The following SHROOM3 variants were observed in gnomAD, a reference collection of about 807,000 sequenced individuals.
SHROOM3 encodes shroom family member 3.
SHROOM3 carries 47 observed loss-of-function variants against 138.6 expected under a neutral mutation model. That is an observed-to-expected ratio of 0.34 (90% CI 0.27 to 0.43). The LOEUF (loss-of-function observed/expected upper bound fraction) is 0.43, where lower values mean the gene tolerates loss of function less well. Ranked by LOEUF, SHROOM3 falls within the 20% of genes least tolerant of loss-of-function variation. SHROOM3 has a pLI of 1.00. For synonymous variants in SHROOM3, 1,062 were observed against 1,063.3 expected, an observed-to-expected ratio of 1.00 and a Z score of 0.02; for missense variants, 2,491 against 2,596.5, an observed-to-expected ratio of 0.96 and a Z score of 0.88.
chr4:76,698,883 A>T (rs73826424), intron 2 of SHROOM3, among the ~76,000 whole-genome samples: 7,457 of 152,204 alleles, frequency 0.049, 628 homozygotes, highest in African/African-American at 0.17. Context: ...TTCTGTTCTT[A>T]TCTGCAAAAA....
At chr4:76,760,925 C>A (rs573915077) in intron 9 of SHROOM3, among the ~76,000 whole-genome samples, 27 of 152,184 alleles carry the variant, frequency 1.8e-4, no homozygotes, top group Non-Finnish European at 3.1e-4. Flanking sequence ...GAACGTTTTA[C>A]ACAATTTTTT....
chr4:76,488,350 T>C (rs1356285754), intron 1 of SHROOM3, among the ~76,000 whole-genome samples: 1 of 152,216 alleles, frequency 6.6e-6, no homozygotes, highest in Non-Finnish European at 1.5e-5. Context: ...TGATTTTTAA[T>C]GGGCCAAAGC....
chr4:76,703,074 G>A (rs1222702384), intron 2 of SHROOM3, among the ~76,000 whole-genome samples: 1 of 152,196 alleles, frequency 6.6e-6, no homozygotes, highest in Non-Finnish European at 1.5e-5. Flanking sequence ...AAAAGCAGCA[G>A]CCAGAGCAGG....
chr4:76,723,593 C>T (rs1045400277), intron 3 of SHROOM3, among the ~76,000 whole-genome samples: 2 of 152,164 alleles, frequency 1.3e-5, no homozygotes, highest in Admixed American at 6.5e-5. Context: ...CTTGCTTACT[C>T]CCTGTCTCCC....
intron 2 of SHROOM3, among the ~76,000 whole-genome samples, chr4:76,561,614 C>T (rs1281201477): frequency 1.3e-5 from 2 of 151,316 alleles, no homozygotes; most frequent in Non-Finnish European, 2.9e-5. Flanking sequence ...ACTTTTGGCC[C>T]CTCAAGCAGT....
chr4:76,673,981 T>C (rs965137040), intron 2 of SHROOM3, among the ~76,000 whole-genome samples: 2 of 152,316 alleles, frequency 1.3e-5, no homozygotes, highest in Middle Eastern at 3.4e-3. Context: ...CAAGTGATCC[T>C]CCTGCCTCAG....
intron 2 of SHROOM3, among the ~76,000 whole-genome samples, chr4:76,695,484 G>A (rs1320491502): frequency 6.6e-6 from 1 of 152,144 alleles, no homozygotes; most frequent in Non-Finnish European, 1.5e-5. Flanking sequence ...ATTGATCCTG[G>A]ATATTTCATA....
intron 2 of SHROOM3, among the ~76,000 whole-genome samples, chr4:76,625,432 C>T (rs191247291): frequency 6.6e-5 from 10 of 151,988 alleles, no homozygotes; most frequent in African/African-American, 2.2e-4. Context: ...TTCTGTCTCC[C>T]TCCCTCTCCC....
At chr4:76,465,051 C>A (rs1023124205) in intron 1 of SHROOM3, among the ~76,000 whole-genome samples, 1 of 152,182 alleles carries the variant, frequency 6.6e-6, no homozygotes, top group African/African-American at 2.4e-5. Flanking sequence ...TCATTCACAA[C>A]CATTATATAG....
intron 1 of SHROOM3, among the ~76,000 whole-genome samples, chr4:76,521,691 A>G (rs1226034650): frequency 6.6e-6 from 1 of 152,246 alleles, no homozygotes; most frequent in Non-Finnish European, 1.5e-5. Context: ...GTGATTAATC[A>G]GAAGTTGTAC....
chr4:76,739,695 T>G lies in SHROOM3; in HGVS notation c.1522T>G (p.Cys508Gly), dbSNP rs1721185634. 1.9e-6 allele frequency: 3 copies of G among 1,613,980 alleles called. No individual in the cohort carries two copies. Among genetic ancestry groups the G allele is most frequent in the Admixed American group, 3.3e-5 (2 of 59,992 alleles). Residue 508 changes from cysteine (C) to glycine (G), a missense_variant, in exon 5 of 11, where the codon TGC becomes GGC. Transcript: ENST00000296043. ...ESGYIAPQGACNKMATIDENG... is the reference protein window; with the variant it reads ...ESGYIAPQGAGNKMATIDENG... The stretch of plus-strand genomic sequence containing the variant: ...TGGATACATAGCCCCTCAGGGAGCA[T>G]GCAACAAGATGGCTACCATTGATGA...
chr4:76,774,067 G>T (rs1722463133), intron 10 of SHROOM3, among the ~76,000 whole-genome samples: 1 of 152,122 alleles, frequency 6.6e-6, no homozygotes, highest in Admixed American at 6.5e-5. Flanking sequence ...ATTGTCCTGG[G>T]GGTAGAGAAG....
intron 2 of SHROOM3, among the ~76,000 whole-genome samples, chr4:76,635,858 C>A (rs2110076806): frequency 6.6e-6 from 1 of 152,318 alleles, no homozygotes; most frequent in Non-Finnish European, 1.5e-5. Context: ...AAACTGCTGG[C>A]ATTTGGTTTG....
intron 2 of SHROOM3, among the ~76,000 whole-genome samples, chr4:76,650,242 TCTCACC>T (rs1422241289): frequency 2.0e-5 from 3 of 152,140 alleles, no homozygotes; most frequent in Non-Finnish European, 4.4e-5. Context: ...CAATGAGATA[TCTCACC>T]CAAGTTAAAA....
intron 2 of SHROOM3, chr4:76,586,250 C>A: frequency 1.0e-6 from 1 of 985,606 alleles, no homozygotes; most frequent in Non-Finnish European, 1.2e-6. Flanking sequence ...AGGTTCCCAG[C>A]GGAGGTGCGT....
At chr4:76,571,095 T>G (rs1422097439) in intron 2 of SHROOM3, among the ~76,000 whole-genome samples, 1 of 152,212 alleles carries the variant, frequency 6.6e-6, no homozygotes, top group East Asian at 1.9e-4. Context: ...GCTCTCAAAA[T>G]GTTAGCTTTG....
Position 76,756,801 on chromosome 4 carries a change from C to A in SHROOM3, c.5062C>A (p.Pro1688Thr). The A allele has an allele frequency of 6.2e-7, 1 of 1,614,046 alleles. No homozygotes were observed. The highest frequency in any genetic ancestry group is 1.1e-5 in the South Asian group (1 of 91,060). Residue 1688 changes from proline (P) to threonine (T), a missense_variant, in exon 8 of 11, where the codon CCA (proline) becomes ACA (threonine). By Grantham distance (38) the Pro-to-Thr change is conservative. This residue lies in a region of SHROOM3 where 470 missense variants were observed against 595.0 expected (regional missense o/e 0.79). Coordinates refer to ENST00000296043, the MANE Select transcript of SHROOM3 (RefSeq NM_020859.4). ...CAAATCTCTAGCAGACATTTTGGAT[C>A]CAGACTCCAGGCTGAAGACAACAAT... ...QDKSLADILD[P>T]DSRLKTTMDL...
chr4:76,659,581 CATTT>C (rs375520866), intron 2 of SHROOM3, among the ~76,000 whole-genome samples: 4 of 152,046 alleles, frequency 2.6e-5, no homozygotes, highest in Admixed American at 2.0e-4. Flanking sequence ...CTTTCAGAAG[CATTT>C]ATTTATTTAT....
chr4:76,468,066 T>A (rs1731282775), intron 1 of SHROOM3, among the ~76,000 whole-genome samples: 1 of 152,116 alleles, frequency 6.6e-6, no homozygotes, highest in African/African-American at 2.4e-5. Context: ...CAGTTAAGAG[T>A]TAAAAGACAA....
Sources: allele counts gnomAD v4.1 joint callset (sites outside exome capture counted in the v4.1 genomes callset), GRCh38; gene constraint gnomAD v4.1.1; regional missense constraint gnomAD v4.1.1; transcripts MANE v1.5; gene names NCBI Gene and HGNC (gene_info 2026-07-23, HGNC 2026-07-21).